The following LARGE1 variants were observed in gnomAD, a reference collection of about 807,000 sequenced individuals.
LARGE1 encodes xylosyl- and glucuronyltransferase LARGE1.
A neutral mutation model predicts 87.6 loss-of-function variants in LARGE1; 43 were observed. The observed-to-expected ratio is 0.49, with a 90% CI of 0.38 to 0.63. The LOEUF is 0.63. Among genes scored for constraint, LARGE1 ranks in the 30% least tolerant of loss-of-function variants. The pLI, the probability that LARGE1 is intolerant of heterozygous loss-of-function variation, is 0.00. For missense variants in LARGE1, 802 were observed against 1,000.2 expected (o/e 0.80, Z 2.67); for synonymous variants, 434 against 394.6 (o/e 1.10, Z -1.18).
chr22:33,448,101 G>A (rs908447513), intron 6 of LARGE1, among the ~76,000 whole-genome samples: 6 of 151,706 alleles, frequency 4.0e-5, no homozygotes, highest in Non-Finnish European at 7.4e-5. Context: ...GGGAGAGGGG[G>A]GTGTGGAATG....
At chr22:33,415,213 C>T (rs776799886) in intron 7 of LARGE1, among the ~76,000 whole-genome samples, 2 of 152,124 alleles carry the variant, frequency 1.3e-5, no homozygotes, top group Admixed American at 6.6e-5. Context: ...CAGGTGGAGG[C>T]GTTGTTTTGT....
At chr22:33,643,655 T>C (rs979068336) in intron 3 of LARGE1, among the ~76,000 whole-genome samples, 1 of 151,888 alleles carries the variant, frequency 6.6e-6, no homozygotes, top group Non-Finnish European at 1.5e-5. Context: ...ACAAAATATA[T>C]AGGCCACTAG....
chr22:33,804,934 T>C (rs1264185879), intron 1 of LARGE1, among the ~76,000 whole-genome samples: 1 of 152,184 alleles, frequency 6.6e-6, no homozygotes, highest in Non-Finnish European at 1.5e-5. Flanking sequence ...TCCTGGCTCA[T>C]ATCCCACTGT....
At chr22:33,162,381 A>G (rs922232566) in exon 12 of LARGE1, 5 of 152,106 alleles carry the variant, frequency 3.3e-5, no homozygotes, top group Non-Finnish European at 5.9e-5. Context: ...ACACCATCAG[A>G]TCTCATGAGA....
chr22:33,637,488 G>A (rs1396950477), intron 3 of LARGE1, among the ~76,000 whole-genome samples: 4 of 152,114 alleles, frequency 2.6e-5, no homozygotes, highest in East Asian at 1.9e-4. Flanking sequence ...TTTTCATGCC[G>A]TGTAGCCTCT....
chr22:33,670,926 T>C (rs2081389555), intron 2 of LARGE1, among the ~76,000 whole-genome samples: 1 of 152,212 alleles, frequency 6.6e-6, no homozygotes, highest in South Asian at 2.1e-4. Flanking sequence ...GGTATTTCAT[T>C]TTACCTACGG....
intron 5 of LARGE1, among the ~76,000 whole-genome samples, chr22:33,569,623 CATG>C (rs2078134354): frequency 6.6e-6 from 1 of 152,198 alleles, no homozygotes; most frequent in South Asian, 2.1e-4. Context: ...TTAGAGACGG[CATG>C]ATATCTAGCA....
the LARGE1 span, among the ~76,000 whole-genome samples, chr22:33,126,354 T>C: frequency 6.6e-6 from 1 of 152,040 alleles, no homozygotes; most frequent in East Asian, 1.9e-4. Context: ...TGATGAAGAG[T>C]CACTCTCTGA....
intron 6 of LARGE1, among the ~76,000 whole-genome samples, chr22:33,470,770 G>C (rs1370272082): frequency 6.6e-6 from 1 of 152,142 alleles, no homozygotes; most frequent in Non-Finnish European, 1.5e-5. Flanking sequence ...CACCATCTAA[G>C]GTTTCATTTA....
chr22:33,099,349 G>A, the LARGE1 span, among the ~76,000 whole-genome samples: 1 of 148,742 alleles, frequency 6.7e-6, no homozygotes, highest in Non-Finnish European at 1.5e-5. Flanking sequence ...TGCCTCCTGG[G>A]TTTAAGCGAT....
intron 9 of LARGE1, among the ~76,000 whole-genome samples, chr22:33,346,969 C>T (rs1346891521): frequency 6.6e-6 from 1 of 152,216 alleles, no homozygotes; most frequent in African/African-American, 2.4e-5. Context: ...ACTCACCTTT[C>T]TATCGTAAAC....
At chr22:33,761,621 G>C in intron 1 of LARGE1, 63 bp from the exon 2 acceptor site, 1 of 712,518 alleles carries the variant, frequency 1.4e-6, no homozygotes, top group South Asian at 1.5e-5. Flanking sequence ...GTAAGTTATG[G>C]AAGAGAAATA....
intron 5 of LARGE1, among the ~76,000 whole-genome samples, chr22:33,576,840 T>A (rs2078368715): frequency 6.6e-6 from 1 of 152,190 alleles, no homozygotes; most frequent in South Asian, 2.1e-4. Flanking sequence ...GTAAATACTA[T>A]GTAAATGGCT....
intron 6 of LARGE1, among the ~76,000 whole-genome samples, chr22:33,549,438 T>C (rs2077457889): frequency 6.6e-6 from 1 of 152,334 alleles, no homozygotes; most frequent in Middle Eastern, 3.4e-3. Flanking sequence ...TTCTAATGGG[T>C]CCTAACTGAA....
intron 5 of LARGE1, among the ~76,000 whole-genome samples, chr22:33,570,624 G>C (rs567792247): frequency 1.5e-5 from 2 of 135,004 alleles, no homozygotes; most frequent in African/African-American, 5.6e-5. Context: ...CTCCAGCCTG[G>C]CAATGGAGCG....
chr22:33,787,394 A>G (rs2085682948), intron 1 of LARGE1, among the ~76,000 whole-genome samples: 1 of 152,174 alleles, frequency 6.6e-6, no homozygotes, highest in South Asian at 2.1e-4. Flanking sequence ...CATGGGTGAT[A>G]TCTCAATATT....
intron 2 of LARGE1, among the ~76,000 whole-genome samples, chr22:33,652,476 G>A (rs1335794428): frequency 6.6e-6 from 1 of 152,082 alleles, no homozygotes; most frequent in Non-Finnish European, 1.5e-5. Flanking sequence ...AGTGGCACAA[G>A]GCATACCCAA....
At chr22:33,798,347 G>A (rs9621770) in intron 1 of LARGE1, among the ~76,000 whole-genome samples, 7 of 152,256 alleles carry the variant, frequency 4.6e-5, no homozygotes, top group Non-Finnish European at 4.4e-5. Flanking sequence ...AAAGTACCTA[G>A]CAATGTCTGA....
intron 2 of LARGE1, among the ~76,000 whole-genome samples, chr22:33,754,359 C>T (rs377628389): frequency 3.4e-5 from 5 of 148,888 alleles, no homozygotes; most frequent in Non-Finnish European, 7.4e-5. Flanking sequence ...TTTTTTGAGA[C>T]GGAGTCTTGC....
Sources: allele counts gnomAD v4.1 joint callset (sites outside exome capture counted in the v4.1 genomes callset), GRCh38; gene constraint gnomAD v4.1.1; transcripts MANE v1.5; gene names NCBI Gene and HGNC (gene_info 2026-07-23, HGNC 2026-07-21).